TFEB: variants seen among roughly 807,000 people sequenced by gnomAD.
The protein encoded by TFEB is transcription factor EB, also known as T-cell transcription factor EB.
Under a neutral mutation model 48.0 loss-of-function variants are expected in TFEB, and 12 were observed. That is an observed-to-expected ratio of 0.25 (90% CI 0.16 to 0.40). The LOEUF is 0.40. TFEB is among the 10% of genes least tolerant of loss of function. The probability of loss-of-function intolerance (pLI) is 1.00; values close to 1 mark genes in which losing one functional copy is unlikely to be tolerated. For missense variants in TFEB, 509 were observed against 640.3 expected (o/e 0.79, Z 2.21); for synonymous variants, 244 against 261.4 (o/e 0.93, Z 0.64).
rs565681206 is a variant in TFEB at position 41,707,368 on chromosome 6, G to A, written c.-22-16133C>T. On this transcript the variant is annotated intron_variant, in intron 1 of 8. Coordinates refer to ENST00000373033, the MANE Select transcript of TFEB (RefSeq NM_001271944.2). ...TCCTACCCCTGCCACCCCAGCACACGCACCCAGAGCAGACCTGGTTTGGAA... is the reference window on the plus strand; with the variant it reads ...TCCTACCCCTGCCACCCCAGCACACACACCCAGAGCAGACCTGGTTTGGAA... Among the ~76,000 whole-genome samples the A allele has an allele frequency of 2.6e-5, 4 of 152,276 alleles. No individual in the cohort carries two copies. The South Asian group carries it at 6.2e-4, about 24-fold the overall frequency.
intron 1 of TFEB, among the ~76,000 whole-genome samples, chr6:41,692,774 A>G (rs1454994073): frequency 1.3e-5 from 2 of 152,154 alleles, no homozygotes; most frequent in East Asian, 1.9e-4. Flanking sequence ...AGGGCTCCTG[A>G]GTGTGTCCAG....
Position 41,687,794 on chromosome 6 carries a change from G to A in TFEB, c.686C>T (p.Ala229Val). Residue 229 changes from alanine (A) to valine (V), a missense_variant, in exon 6 of 9, where the codon GCC (alanine) becomes GTC (valine). Physicochemically the swap from Ala to Val is moderately conservative, Grantham distance 64. Coordinates refer to ENST00000373033, the MANE Select transcript of TFEB (RefSeq NM_001271944.2). ...TTTCTTCTGCCGCTCCTTGGCCAGG[G>A]CCCTGCTCTCAGCATCTGGAGGCCA... is the stretch of plus-strand genomic sequence containing the variant. ...KRELTDAESR[A>V]LAKERQKKDN... 6.2e-7 allele frequency: 1 copy of A among 1,614,032 alleles called. No individual in the cohort carries two copies. The highest frequency in any genetic ancestry group is 8.5e-7 in the Non-Finnish European group (1 of 1,179,944).
chr6:41,699,435 A>G, intron 1 of TFEB, among the ~76,000 whole-genome samples: 1 of 152,250 alleles, frequency 6.6e-6, no homozygotes, highest in East Asian at 1.9e-4. Flanking sequence ...CCCCAGCTTC[A>G]GTCTCTCCTT....
chr6:41,686,344 A>G, intron 7 of TFEB, 107 bp from the exon 8 acceptor site: 2 of 1,448,970 alleles, frequency 1.4e-6, no homozygotes, highest in Non-Finnish European at 1.9e-6. Context: ...AGTCTTACCC[A>G]GCAACCCCAG....
At position 41,687,928 on chromosome 6, in the gene TFEB, G is replaced by A; in HGVS notation, c.650C>T (p.Thr217Ile). The change falls in exon 5 of 9, where the codon ACC becomes ATC. Residue 217 changes from threonine to isoleucine, a missense_variant. Physicochemically the swap from Thr to Ile is moderately conservative, Grantham distance 89. Around this residue, in one of 4 missense-constraint regions of TFEB, gnomAD observed 251 missense variants for 317.2 expected, o/e 0.79. Coordinates refer to ENST00000373033, the MANE Select transcript of TFEB (RefSeq NM_001271944.2). ...VTSSSCPADL[T>I]QKRELTDAES... ...AGTACCTGTGAGCTCTCGCTTCTGGGTCAGGTCCGCAGGGCAGGAGCTGCT... is the reference window on the plus strand; with the variant it reads ...AGTACCTGTGAGCTCTCGCTTCTGGATCAGGTCCGCAGGGCAGGAGCTGCT... 6.2e-7 allele frequency: 1 copy of A among 1,613,970 alleles called. No individual in the cohort carries two copies. The highest frequency in any genetic ancestry group is 8.5e-7 in the Non-Finnish European group (1 of 1,179,890).
chr6:41,697,794 G>A (rs1769688077), intron 1 of TFEB, among the ~76,000 whole-genome samples: 1 of 152,188 alleles, frequency 6.6e-6, no homozygotes, highest in Non-Finnish European at 1.5e-5. Flanking sequence ...CTGATGGACT[G>A]CTATACTTAC....
At position 41,723,691 on chromosome 6, in the gene TFEB, C is replaced by T; in HGVS notation, c.-23+11659G>A. 1 of 460,902 alleles carries T rather than the reference C, an allele frequency of 2.2e-6. No individual in the cohort carries two copies. Among genetic ancestry groups the T allele is most frequent in the Non-Finnish European group, 3.7e-6 (1 of 271,956 alleles). The allele number at this position is 460,902 out of a possible 1,614,324, so 28.6% of individuals were successfully genotyped here. ...CTCACAGCACAGAGGGAACTGCGCC[C>T]CGACGGCACAGTCCCACACCGCAGC... On this transcript the variant is annotated intron_variant, in intron 1 of 8. Transcript: ENST00000373033. The surrounding 1 kb of genome is among the most constrained non-coding windows in gnomAD (Gnocchi z 6.0).
At chr6:41,728,561 C>T (rs60442837) in intron 1 of TFEB, among the ~76,000 whole-genome samples, 23,703 of 152,136 alleles carry the variant, frequency 0.16, 1,855 homozygotes, top group East Asian at 0.24. Flanking sequence ...TGGGGGGCCG[C>T]GGCAGGTGCT....
At chr6:41,710,168 C>T (rs143359156) in intron 1 of TFEB, among the ~76,000 whole-genome samples, 190 of 152,310 alleles carry the variant, frequency 1.2e-3, no homozygotes, top group Non-Finnish European at 2.1e-3. Context: ...AAAGTAAGAT[C>T]CTTCTAATGG....
chr6:41,701,493 C>T (rs1769922313), intron 1 of TFEB, among the ~76,000 whole-genome samples: 1 of 152,202 alleles, frequency 6.6e-6, no homozygotes, highest in Admixed American at 6.5e-5. Context: ...GGCTGCTGGT[C>T]CAGTGACCCC....
At chr6:41,715,184 TTC>T (rs1250135712) in intron 1 of TFEB, among the ~76,000 whole-genome samples, 1 of 152,088 alleles carries the variant, frequency 6.6e-6, no homozygotes, top group African/African-American at 2.4e-5. Context: ...AACCACAGTT[TTC>T]TCTGGCCTCT....
In TFEB at chr6:41,691,045, C is replaced by G. The variant is rs756401217; in HGVS notation, c.169G>C (p.Val57Leu). The G allele has an allele frequency of 9.5e-6, 15 of 1,573,756 alleles. 1 individual carries two copies. Among genetic ancestry groups the G allele is most frequent in the Admixed American group, 9.4e-5 (5 of 53,322 alleles). The change falls in exon 2 of 9, where the codon GTC (valine) becomes CTC (leucine). Residue 57 changes from valine to leucine, a missense_variant. Transcript: ENST00000373033. This position sits in a 1 kb window ranked among gnomAD's most constrained non-coding sequence, Gnocchi z 5.2. Reference protein sequence around the residue: ...GPPTPAINTPVHFQSPPPVPG... With the variant: ...GPPTPAINTPLHFQSPPPVPG... ...ACAGGTGGTGGCGACTGGAAGTGGA[C>G]GGGGGTATTGATGGCCGGGGTGGGC... is the stretch of plus-strand genomic sequence containing the variant.
chr6:41,691,141 T>C lies in TFEB; in HGVS notation c.73A>G (p.Met25Val). 1.3e-6 allele frequency: 2 copies of C among 1,589,560 alleles called. No homozygotes were observed. Among genetic ancestry groups the C allele is most frequent in the South Asian group, 1.1e-5 (1 of 88,150 alleles). The stretch of plus-strand genomic sequence containing the variant: ...TAATGCATGACAGCCTGTTGCTGCA[T>C]GCGCTCCCGCTGCTCCTCCTGCTGC... ...QAQQEEQRER[M>V]QQQAVMHYMQ... Residue 25 changes from methionine to valine, a missense_variant, in exon 2 of 9, where the codon ATG becomes GTG. By Grantham distance (21) the Met-to-Val change is conservative (BLOSUM62 1). Transcript: ENST00000373033. This position sits in a 1 kb window ranked among gnomAD's most constrained non-coding sequence, Gnocchi z 5.2.
At chr6:41,709,395 C>T (rs2127245522) in intron 1 of TFEB, among the ~76,000 whole-genome samples, 2 of 152,334 alleles carry the variant, frequency 1.3e-5, no homozygotes, top group South Asian at 4.1e-4. Context: ...CATAAAGTAT[C>T]TAATGCAGTA....
At position 41,722,232 on chromosome 6, in the gene TFEB, G is replaced by A. The variant is rs557488831; in HGVS notation, c.-23+13118C>T. ...TGACCTCAGGGGACCCGCCCACCTC[G>A]GCCTCCCAAAGTGCTGGGATTACAG... On this transcript the variant is annotated intron_variant, in intron 1 of 8. Coordinates refer to ENST00000373033, the MANE Select transcript of TFEB (RefSeq NM_001271944.2). Among the ~76,000 whole-genome samples, 31 of 152,274 alleles carry A rather than the reference G, an allele frequency of 2.0e-4. 1 individual carries two copies. In the East Asian group the frequency reaches 5.8e-3, roughly 28 times the overall value.
chr6:41,689,882 A>G, intron 3 of TFEB, 71 bp from the exon 4 acceptor site: 1 of 1,252,450 alleles, frequency 8.0e-7, no homozygotes, highest in Non-Finnish European at 1.2e-6. Context: ...CATTGGGACA[A>G]CCACTGACCT....
intron 1 of TFEB, among the ~76,000 whole-genome samples, chr6:41,696,678 A>T (rs1269197385): frequency 2.0e-5 from 3 of 152,148 alleles, no homozygotes; most frequent in African/African-American, 7.2e-5. Context: ...TGGGTGACAG[A>T]GTGAGACTCC....
Position 41,723,547 on chromosome 6 carries a change from G to C in TFEB, c.-23+11803C>G, listed in dbSNP as rs1241163058. 5.5e-6 allele frequency: 7 copies of C among 1,274,420 alleles called. No homozygotes were observed. Among genetic ancestry groups the C allele is most frequent in the Non-Finnish European group, 7.1e-6 (7 of 982,416 alleles). 78.9% of individuals were successfully genotyped at this position (1,274,420 alleles called of 1,614,324 possible). ...AGCCCAGGGCCGCACCCCAGCCCCA[G>C]GGCCGGGCTCAGTTTCCTCATTTCC... On this transcript the variant is annotated intron_variant, in intron 1 of 8. Coordinates refer to ENST00000373033, the MANE Select transcript of TFEB (RefSeq NM_001271944.2). The surrounding 1 kb of genome is among the most constrained non-coding windows in gnomAD (Gnocchi z 6.0).
At chr6:41,686,037 G>C (rs1768980542) in intron 8 of TFEB, 53 bp downstream of exon 8, 2 of 1,610,580 alleles carry the variant, frequency 1.2e-6, no homozygotes, top group Admixed American at 3.3e-5. Flanking sequence ...CTTAGGGCCA[G>C]GAGCCAGGTT....
Sources: gnomAD v4.1 joint callset for allele counts (sites outside exome capture counted in the v4.1 genomes callset) on GRCh38, gnomAD v4.1.1 for gene constraint, gnomAD v4.1.1 regional missense constraint, Gnocchi (gnomAD v3.1) non-coding constraint, MANE v1.5 for transcripts, NCBI Gene and HGNC (gene_info 2026-07-23, HGNC 2026-07-21) for gene names.